The following ADA variants were observed in gnomAD, a reference collection of about 807,000 sequenced individuals.
The protein encoded by ADA is adenosine deaminase.
Under a neutral mutation model 49.0 loss-of-function variants are expected in ADA, and 45 were observed. That is an observed-to-expected ratio of 0.92 (90% CI 0.72 to 1.18). The LOEUF (loss-of-function observed/expected upper bound fraction) is 1.18. Ranked by LOEUF, ADA falls within the 50% of genes most tolerant of loss-of-function variation. The pLI is 0.00. For missense variants in ADA, 445 were observed against 472.5 expected (o/e 0.94, Z 0.54); for synonymous variants, 173 against 184.2 (o/e 0.94, Z 0.49).
At chr20:44,651,450 A>C in intron 1 of ADA, 125 bp downstream of exon 1, 2 of 981,976 alleles carry the variant, frequency 2.0e-6, no homozygotes. Flanking sequence ...AAGCCGAAGG[A>C]AGAACTCGCC....
chr20:44,631,867 C>A (rs1240206087), intron 2 of ADA, among the ~76,000 whole-genome samples: 2 of 152,134 alleles, frequency 1.3e-5, no homozygotes, highest in Non-Finnish European at 2.9e-5. Context: ...GTCTGGCTAC[C>A]TGTTGAGAGG....
chr20:44,625,766 AGAG>A (rs2065376994), intron 4 of ADA, 82 bp from the exon 5 acceptor site: 1 of 1,213,768 alleles, frequency 8.2e-7, no homozygotes. Flanking sequence ...CAGAGGAGGA[AGAG>A]GAGGCTTTGG....
rs2065411170 is a variant in ADA at position 44,629,243 on chromosome 20, A to G, written c.96-74T>C. 2.5e-6 allele frequency: 4 copies of G among 1,603,558 alleles called. No homozygotes were observed. In the South Asian group the frequency reaches 4.4e-5, roughly 18 times the overall value. On this transcript the variant is annotated intron_variant, in intron 2 of 11. Transcript: ENST00000372874. ...CAGGCCTGACAGGCCAGGATGGAGC[A>G]GACTCAGGAGCGCCAGCCTCCTTGC...
At chr20:44,625,983 A>G (rs186459049) in intron 4 of ADA, among the ~76,000 whole-genome samples, 1 of 152,314 alleles carries the variant, frequency 6.6e-6, no homozygotes, top group East Asian at 1.9e-4. Context: ...TTCACATTCT[A>G]TATGTATCAG....
In ADA at chr20:44,622,870, C is replaced by T. The variant is rs754578956; in HGVS notation, c.739G>A (p.Ala247Thr). Residue 247 changes from alanine to threonine, a missense_variant, in exon 8 of 12, where the codon GCC (alanine) becomes ACC (threonine). Ala to Thr is a moderately conservative substitution (Grantham distance 58). Coordinates refer to ENST00000372874, the MANE Select transcript of ADA (RefSeq NM_000022.4). ...GHGYHTLEDQ[A>T]LYNRLRQENM... ...TCCTGCCGCAGCCTGTTATAAAGGG[C>T]CTGGTCTTCCAGGGTGTGGTAGCCG... is the stretch of plus-strand genomic sequence containing the variant. The T allele has an allele frequency of 1.7e-5, 28 of 1,614,116 alleles. No homozygotes were observed. Among genetic ancestry groups the T allele is most frequent in the Middle Eastern group, 1.6e-4 (1 of 6,084 alleles).
Position 44,651,009 on chromosome 20 carries a change from G to T in ADA, c.33+566C>A, listed in dbSNP as rs2065639858. ...AACCCTGCTAGGGCCCCAAACCCAG[G>T]GCCTACCTAGCTCCTGTTCTTCCCG... On this transcript the variant is annotated intron_variant, in intron 1 of 11. Transcript: ENST00000372874. Among the ~76,000 whole-genome samples the T allele has an allele frequency of 2.0e-5, 3 of 152,236 alleles. No individual in the cohort carries two copies. In the South Asian group the frequency reaches 6.2e-4, roughly 32 times the overall value.
chr20:44,650,202 A>G (rs1272644952), intron 1 of ADA, among the ~76,000 whole-genome samples: 1 of 152,134 alleles, frequency 6.6e-6, no homozygotes, highest in Non-Finnish European at 1.5e-5. Context: ...TGGGGGTAGG[A>G]GGGCTTGTAC....
intron 1 of ADA, among the ~76,000 whole-genome samples, chr20:44,645,642 T>TA (rs2145356653): frequency 6.6e-6 from 1 of 152,234 alleles, no homozygotes; most frequent in East Asian, 1.9e-4. Context: ...GTAGGACCAT[T>TA]ACCAACCATG....
At chr20:44,629,417 AGTGT>A (rs71825229) in intron 2 of ADA, among the ~76,000 whole-genome samples, 58 of 150,382 alleles carry the variant, frequency 3.9e-4, no homozygotes, top group East Asian at 2.6e-3. Flanking sequence ...AACAGGTTGA[AGTGT>A]GTGTGTGTGT....
intron 10 of ADA, 89 bp from the exon 11 acceptor site, chr20:44,620,490 C>CGT: frequency 9.2e-7 from 1 of 1,087,782 alleles, no homozygotes; most frequent in South Asian, 1.3e-5. Context: ...CCTCTTCACT[C>CGT]AACATGGGCA....
chr20:44,628,748 C>T (rs1043165557), intron 3 of ADA, among the ~76,000 whole-genome samples: 4 of 151,282 alleles, frequency 2.6e-5, no homozygotes, highest in African/African-American at 7.3e-5. Context: ...AAGCCCTGAA[C>T]TAGGAGATAG....
At chr20:44,632,204 G>T (rs957113218) in intron 2 of ADA, among the ~76,000 whole-genome samples, 1 of 152,064 alleles carries the variant, frequency 6.6e-6, no homozygotes, top group Non-Finnish European at 1.5e-5. Context: ...CAGGGGAGGG[G>T]TCTGTACTAA....
intron 2 of ADA, among the ~76,000 whole-genome samples, chr20:44,631,035 G>A (rs887955585): frequency 5.9e-5 from 9 of 152,168 alleles, no homozygotes; most frequent in Non-Finnish European, 1.3e-4. Context: ...AAGAATAAAG[G>A]AGGAAAGTGC....
At chr20:44,631,359 G>A (rs750460196) in intron 2 of ADA, among the ~76,000 whole-genome samples, 13 of 152,200 alleles carry the variant, frequency 8.5e-5, no homozygotes, top group Middle Eastern at 3.4e-3. Context: ...CCTGGAGGTC[G>A]GAGCTCAGTG....
chr20:44,625,544 TGG>T, intron 5 of ADA, 23 bp downstream of exon 5: 1 of 1,556,484 alleles, frequency 6.4e-7, no homozygotes, highest in South Asian at 1.2e-5. Context: ...CGGGCGGCCC[TGG>T]GCAGGGCGGT....
intron 3 of ADA, among the ~76,000 whole-genome samples, chr20:44,627,898 G>A (rs1445127384): frequency 6.6e-6 from 1 of 152,226 alleles, no homozygotes; most frequent in Admixed American, 6.5e-5. Context: ...TTATTGCGGG[G>A]ACAAATGAGT....
chr20:44,624,984 G>A (rs36102321), intron 5 of ADA, among the ~76,000 whole-genome samples: 7 of 152,366 alleles, frequency 4.6e-5, no homozygotes, highest in South Asian at 2.1e-4. Context: ...GAGGAAATGC[G>A]TGCAGGTAGC....
chr20:44,629,297 C>G (rs968990385), intron 2 of ADA, 128 bp from the exon 3 acceptor site: 3 of 1,365,322 alleles, frequency 2.2e-6, no homozygotes, highest in East Asian at 4.8e-5. Context: ...ATGGGCGTCT[C>G]TCAGTCCAGC....
At chr20:44,623,109 C>G in intron 6 of ADA, 31 bp from the exon 7 acceptor site, 1 of 1,613,240 alleles carries the variant, frequency 6.2e-7, no homozygotes, top group Non-Finnish European at 8.5e-7. Flanking sequence ...TCATGGGTGC[C>G]CTAGCGGGAG....
Sources: allele counts gnomAD v4.1 joint callset (sites outside exome capture counted in the v4.1 genomes callset), GRCh38; gene constraint gnomAD v4.1.1; transcripts MANE v1.5; gene names NCBI Gene and HGNC (gene_info 2026-07-23, HGNC 2026-07-21).